The following CD8A variants were observed in gnomAD, a reference collection of about 807,000 sequenced individuals.
CD8A encodes T-cell surface glycoprotein CD8 alpha chain.
In CD8A, 25 loss-of-function variants were observed where a neutral mutation model predicts 24.2. That is an observed-to-expected ratio of 1.03 (90% CI 0.75 to 1.44). The LOEUF (loss-of-function observed/expected upper bound fraction) is 1.44. Among genes scored for constraint, CD8A ranks in the 40% most tolerant of loss-of-function variants. The pLI is 0.00. For missense variants in CD8A, 360 were observed against 319.7 expected (o/e 1.13, Z -0.96); for synonymous variants, 165 against 149.9 (o/e 1.10, Z -0.74).
intron 2 of CD8A, among the ~76,000 whole-genome samples, chr2:86,804,695 T>C (rs927150214): frequency 1.3e-5 from 2 of 151,536 alleles, no homozygotes; most frequent in Non-Finnish European, 2.9e-5. Context: ...AGCCTCCAAC[T>C]CTTGAGCCCC....
Position 86,785,726 on chromosome 2 carries a change from T to C in CD8A, c.*194A>G, listed in dbSNP as rs1244358850. 1 of 737,374 alleles carries C rather than the reference T, an allele frequency of 1.4e-6. No homozygotes were observed. The highest frequency in any genetic ancestry group is 2.5e-5 in the East Asian group (1 of 39,444). 45.7% of individuals were successfully genotyped at this position (737,374 alleles called of 1,614,324 possible). ...CAGTATTGTGACCCTTGTGGTGTAC[T>C]GTAGATTTTACCTAGTTTTGTTTCC... On this transcript the variant is annotated 3_prime_UTR_variant, in exon 6 of 6. Coordinates refer to ENST00000283635, the MANE Select transcript of CD8A (RefSeq NM_001768.7).
intron 2 of CD8A, among the ~76,000 whole-genome samples, chr2:86,807,293 C>A (rs542681649): frequency 3.4e-4 from 52 of 152,256 alleles, no homozygotes; most frequent in African/African-American, 1.3e-3. Flanking sequence ...TGCACTCCAG[C>A]CTGGGCGATA....
At chr2:86,794,139 G>A (rs1247844083), upstream of CD8A, among the ~76,000 whole-genome samples, 1 of 152,176 alleles carries the variant, frequency 6.6e-6, no homozygotes, top group African/African-American at 2.4e-5. Context: ...ACCCCACACT[G>A]TAGCACTGAC....
rs1339151011 is a variant in CD8A at position 86,784,772 on chromosome 2, G to A, written c.*1148C>T. On this transcript the variant is annotated 3_prime_UTR_variant, in exon 6 of 6. Coordinates refer to ENST00000283635, the MANE Select transcript of CD8A (RefSeq NM_001768.7). ...CATATTAACAGGAGATTATTCCTAAGGTGAAGAATTATGAGTGGTTCTTAT... is the reference window on the plus strand; with the variant it reads ...CATATTAACAGGAGATTATTCCTAAAGTGAAGAATTATGAGTGGTTCTTAT... 2.2e-6 allele frequency: 1 copy of A among 453,996 alleles called. No individual in the cohort carries two copies. Among genetic ancestry groups the A allele is most frequent in the African/African-American group, 2.0e-5 (1 of 50,010 alleles). 28.1% of individuals were successfully genotyped at this position (453,996 alleles called of 1,614,324 possible). A position where few individuals can be genotyped will look rare whatever the true frequency, so the allele number is the denominator to read the frequency against.
At chr2:86,793,813 A>T (rs1423651333), upstream of CD8A, among the ~76,000 whole-genome samples, 1 of 152,186 alleles carries the variant, frequency 6.6e-6, no homozygotes, top group African/African-American at 2.4e-5. Flanking sequence ...TCTTAGTCTC[A>T]CGGAAATCAG....
At chr2:86,794,238 T>C (rs887606482), upstream of CD8A, among the ~76,000 whole-genome samples, 2 of 152,174 alleles carry the variant, frequency 1.3e-5, no homozygotes, top group Non-Finnish European at 2.9e-5. Flanking sequence ...TAGAGTAAGA[T>C]AGTAACCAGT....
At chr2:86,793,585 A>G (rs1322242796), upstream of CD8A, among the ~76,000 whole-genome samples, 1 of 152,234 alleles carries the variant, frequency 6.6e-6, no homozygotes, top group African/African-American at 2.4e-5. Flanking sequence ...CAGCACCACC[A>G]GCACTGTATC....
intron 5 of CD8A, among the ~76,000 whole-genome samples, chr2:86,787,889 G>GAA (rs1318552757): frequency 7.2e-6 from 1 of 138,136 alleles, no homozygotes; most frequent in African/African-American, 2.7e-5. Context: ...GAGAGGGAGA[G>GAA]AGAGAGAGAG....
rs1673244698 is a variant in CD8A at position 86,790,572 on chromosome 2, G to C, written c.159C>G (p.Gly53=). 6.2e-7 allele frequency: 1 copy of C among 1,612,896 alleles called. No individual in the cohort carries two copies. Among genetic ancestry groups the C allele is most frequent in the Admixed American group, 1.7e-5 (1 of 60,016 alleles). Residue 53 remains glycine, a synonymous_variant, in exon 2 of 6, where the codon GGC becomes GGG. Transcript: ENST00000283635. ...CQVLLSNPTS[G]CSWLFQPRGA... ...CGCGCGGCTGGAAGAGCCACGAGCA[G>C]CCCGACGTCGGGTTGGACAGCAGCA... is the stretch of plus-strand genomic sequence containing the variant.
At chr2:86,791,368 G>A (rs1393037382), upstream of CD8A, 1 of 377,778 alleles carries the variant, frequency 2.6e-6, no homozygotes, top group Admixed American at 3.2e-5. Flanking sequence ...CGCTAGAGCA[G>A]CCCCAGTTTT....
At chr2:86,789,502 G>T in intron 3 of CD8A, 69 bp from the exon 4 acceptor site, 2 of 1,394,408 alleles carry the variant, frequency 1.4e-6, no homozygotes, top group South Asian at 1.2e-5. Context: ...ACCGTCCCGG[G>T]AACGTCTCTC....
chr2:86,800,897 G>C (rs1050158159), intron 3 of CD8A, among the ~76,000 whole-genome samples: 6 of 152,188 alleles, frequency 3.9e-5, no homozygotes, highest in African/African-American at 1.4e-4. Context: ...GAGGCCAATA[G>C]GATGGGTCCT....
intron 5 of CD8A, 98 bp downstream of exon 5, chr2:86,788,430 CCT>C (rs1673113210): frequency 1.1e-6 from 1 of 942,966 alleles, no homozygotes; most frequent in Non-Finnish European, 1.7e-6. Context: ...ACGGCCATGA[CCT>C]CTCTCTGGGA....
At chr2:86,800,787 G>A (rs528212689) in intron 3 of CD8A, among the ~76,000 whole-genome samples, 9 of 152,304 alleles carry the variant, frequency 5.9e-5, no homozygotes, top group South Asian at 4.1e-4. Context: ...AGGTTGAATT[G>A]TGTCCCCCCA....
chr2:86,784,886 G>C lies in CD8A; in HGVS notation c.*1034C>G. ...AAGGAAGTGCATGTTTGGGACAGCAGTTTGGGCTCTCAGCCTCCTTAAGAG... is the reference window on the plus strand; with the variant it reads ...AAGGAAGTGCATGTTTGGGACAGCACTTTGGGCTCTCAGCCTCCTTAAGAG... On this transcript the variant is annotated 3_prime_UTR_variant, in exon 6 of 6. Transcript: ENST00000283635. 1 of 454,132 alleles carries C rather than the reference G, an allele frequency of 2.2e-6. No homozygotes were observed. Among genetic ancestry groups the C allele is most frequent in the Non-Finnish European group, 4.4e-6 (1 of 226,796 alleles). The allele number at this position is 454,132 out of a possible 1,614,324, so 28.1% of individuals were successfully genotyped here.
rs557262922 is a variant in CD8A at position 86,785,679 on chromosome 2, C to A, written c.*241G>T. On this transcript the variant is annotated 3_prime_UTR_variant, in exon 6 of 6. Coordinates refer to ENST00000283635, the MANE Select transcript of CD8A (RefSeq NM_001768.7). The stretch of plus-strand genomic sequence containing the variant: ...TAGCTCTGGCCTGCCCCTTTCCACG[C>A]CCTACCGCGATGTGCGCACAACAGT... 7.6e-5 allele frequency: 52 copies of A among 682,758 alleles called. 1 individual carries two copies. Among genetic ancestry groups the A allele is most frequent in the South Asian group, 6.4e-4 (43 of 66,832 alleles). 42.3% of individuals were successfully genotyped at this position (682,758 alleles called of 1,614,324 possible). A position where few individuals can be genotyped will look rare whatever the true frequency, so the allele number is the denominator to read the frequency against.
At chr2:86,789,871 A>G (rs2104438314) in intron 2 of CD8A, 121 bp from the exon 3 acceptor site, 1 of 594,858 alleles carries the variant, frequency 1.7e-6, no homozygotes, top group Non-Finnish European at 2.7e-6. Flanking sequence ...GAGAAGGGAT[A>G]GCAGAGGAGA....
chr2:86,803,451 C>G (rs891701055), intron 2 of CD8A, among the ~76,000 whole-genome samples: 1 of 152,150 alleles, frequency 6.6e-6, no homozygotes, highest in African/African-American at 2.4e-5. Context: ...GAGGAGATAG[C>G]ATTTGCCATA....
chr2:86,794,399 T>C (rs1406856992), upstream of CD8A, among the ~76,000 whole-genome samples: 1 of 152,178 alleles, frequency 6.6e-6, no homozygotes, highest in Non-Finnish European at 1.5e-5. Context: ...AGGGACAACT[T>C]GGAATCATGG....
Sources: gnomAD v4.1 joint callset for allele counts (sites outside exome capture counted in the v4.1 genomes callset) on GRCh38, gnomAD v4.1.1 for gene constraint, MANE v1.5 for transcripts, NCBI Gene and HGNC (gene_info 2026-07-23, HGNC 2026-07-21) for gene names.